ICE2: variants seen among roughly 807,000 people sequenced by gnomAD.
The protein encoded by ICE2 is interactor of little elongation complex ELL subunit 2, also known as little elongation complex subunit 2.
ICE2 carries 87 observed loss-of-function variants against 105.4 expected under a neutral mutation model. That is an observed-to-expected ratio of 0.83 (90% confidence interval 0.69 to 0.99). The LOEUF (loss-of-function observed/expected upper bound fraction) is 0.99, where lower values mean the gene tolerates loss of function less well. Ranked by LOEUF, ICE2 falls within the 50% of genes least tolerant of loss-of-function variation. The probability of loss-of-function intolerance (pLI) is 0.00; values close to 1 mark genes in which losing one functional copy is unlikely to be tolerated. For synonymous variants in ICE2, 399 were observed against 392.0 expected, an observed-to-expected ratio of 1.02 and a Z score of -0.21; for missense variants, 1,323 against 1,146.7, an observed-to-expected ratio of 1.15 and a Z score of -2.22.
At chr15:60,460,247 A>C (rs2064237531) in intron 5 of ICE2, among the ~76,000 whole-genome samples, 2 of 152,244 alleles carry the variant, frequency 1.3e-5, no homozygotes, top group African/African-American at 2.4e-5. Flanking sequence ...TAATCCCAAC[A>C]CTTTGAGAGG....
chr15:60,454,963 TC>T, intron 8 of ICE2, 39 bp downstream of exon 8: 2 of 1,503,810 alleles, frequency 1.3e-6, no homozygotes, highest in Non-Finnish European at 1.8e-6. Context: ...GTCCAACTTC[TC>T]TTTTTTGAGA....
intron 11 of ICE2, among the ~76,000 whole-genome samples, chr15:60,443,269 T>G (rs1428279450): frequency 3.3e-5 from 5 of 152,222 alleles, no homozygotes; most frequent in Non-Finnish European, 7.3e-5. Flanking sequence ...AACTCTACTC[T>G]TAACAGGAGT....
rs559015566 is a variant in ICE2 at position 60,461,733 on chromosome 15, A to G, written c.528+4861T>C. 1.8e-3 allele frequency among the ~76,000 whole-genome samples: 270 copies of G among 152,290 alleles called. 3 individuals carry two copies. Among genetic ancestry groups the G allele is most frequent in the African/African-American group, 6.1e-3 (253 of 41,556 alleles). On this transcript the variant is annotated intron_variant, in intron 5 of 15. Transcript: ENST00000261520. ...TCCTTTAAATCTATTTCCTAGTTCT[A>G]TCCACTGAATTATTCTCAAAACAAT...
chr15:60,447,709 C>T (rs1429894542), intron 11 of ICE2: 5 of 253,260 alleles, frequency 2.0e-5, no homozygotes, highest in Non-Finnish European at 3.0e-5. Flanking sequence ...AACTTTGGAG[C>T]ATTTTGAATT....
chr15:60,446,556 C>T (rs541617766), intron 11 of ICE2, among the ~76,000 whole-genome samples: 339 of 152,224 alleles, frequency 2.2e-3, no homozygotes, highest in African/African-American at 7.8e-3. Context: ...CCACCATACC[C>T]GGCTAATTTT....
chr15:60,425,981 G>C (rs2063331052), intron 15 of ICE2, among the ~76,000 whole-genome samples: 1 of 152,112 alleles, frequency 6.6e-6, no homozygotes, highest in South Asian at 2.1e-4. Flanking sequence ...CCAACTATTA[G>C]TTATCTAATT....
chr15:60,426,939 C>T (rs2063351117), intron 15 of ICE2, among the ~76,000 whole-genome samples: 2 of 152,186 alleles, frequency 1.3e-5, no homozygotes, highest in African/African-American at 4.8e-5. Context: ...GTTACTACTT[C>T]TAGTAAACTG....
At chr15:60,460,559 C>T (rs1245151437) in intron 5 of ICE2, among the ~76,000 whole-genome samples, 1 of 152,350 alleles carries the variant, frequency 6.6e-6, no homozygotes, top group African/African-American at 2.4e-5. Flanking sequence ...AAATACCCTT[C>T]TCAACCAAAC....
chr15:60,428,545 G>C lies in ICE2; in HGVS notation c.2704C>G (p.Leu902Val). Residue 902 changes from leucine to valine, a missense_variant, in exon 15 of 16, where the codon CTC (leucine) becomes GTC (valine). By Grantham distance (32) the Leu-to-Val change is conservative. Coordinates refer to ENST00000261520, the MANE Select transcript of ICE2 (RefSeq NM_024611.6). ...TCTAATGGGACCCAGGGAACTGAGA[G>C]ACTGGAAGGTACACCAGGAAGGCCG... ...HCGLPGVPSS[L>V]SVPWVPLDPS... The C allele has an allele frequency of 6.2e-7, 1 of 1,614,148 alleles. No homozygotes were observed. Among genetic ancestry groups the C allele is most frequent in the Middle Eastern group, 1.6e-4 (1 of 6,062 alleles).
intron 3 of ICE2, among the ~76,000 whole-genome samples, chr15:60,469,513 A>G (rs1008022419): frequency 6.6e-6 from 1 of 152,234 alleles, no homozygotes; most frequent in African/African-American, 2.4e-5. Context: ...CCATGAAGAC[A>G]GAGTTCTCAT....
Position 60,478,080 on chromosome 15 carries a change from A to T in ICE2, c.-92-11T>A, listed in dbSNP as rs1567019830. The T allele has an allele frequency of 9.6e-7, 1 of 1,044,858 alleles. No individual in the cohort carries two copies. The highest frequency in any genetic ancestry group is 1.5e-6 in the Non-Finnish European group (1 of 669,922). 64.7% of individuals were successfully genotyped at this position (1,044,858 alleles called of 1,614,324 possible). On this transcript the variant is annotated splice_polypyrimidine_tract_variant and intron_variant, in intron 1 of 15. Transcript: ENST00000261520. ...CCAGAACTTACTCAGCTGAGTAAAA[A>T]CAAAAGGCCAAGATCAAAAGCAAGT...
At chr15:60,469,990 C>T (rs1257656840) in intron 3 of ICE2, among the ~76,000 whole-genome samples, 1 of 152,210 alleles carries the variant, frequency 6.6e-6, no homozygotes, top group Non-Finnish European at 1.5e-5. Flanking sequence ...ACTTCCACCA[C>T]AGTTAACTGT....
At chr15:60,441,756 G>C (rs1045272488) in intron 12 of ICE2, 22 of 152,184 alleles carry the variant, frequency 1.4e-4, no homozygotes, top group African/African-American at 5.3e-4. Context: ...TCTATTATGT[G>C]AGGATGTTAA....
intron 5 of ICE2, among the ~76,000 whole-genome samples, chr15:60,458,742 A>C (rs1405262266): frequency 5.9e-5 from 9 of 151,548 alleles, no homozygotes; most frequent in African/African-American, 2.2e-4. Flanking sequence ...CGCACACACA[A>C]ACACACACAC....
chr15:60,465,244 T>G (rs2064390012), intron 5 of ICE2, among the ~76,000 whole-genome samples: 1 of 151,754 alleles, frequency 6.6e-6, no homozygotes, highest in African/African-American at 2.4e-5. Flanking sequence ...CAAGCTGGAG[T>G]GTAGCAGCAC....
intron 13 of ICE2, among the ~76,000 whole-genome samples, chr15:60,432,753 G>A (rs570267482): frequency 1.4e-4 from 21 of 151,894 alleles, no homozygotes; most frequent in Non-Finnish European, 2.4e-4. Flanking sequence ...TTAGCCAGGC[G>A]TGGTGGCGGG....
At chr15:60,424,835 T>C (rs888623170) in intron 15 of ICE2, among the ~76,000 whole-genome samples, 1 of 152,222 alleles carries the variant, frequency 6.6e-6, no homozygotes, top group African/African-American at 2.4e-5. Context: ...ACAGAATCCC[T>C]TGCTATGTAG....
chr15:60,446,118 C>T (rs2141049624), intron 11 of ICE2, among the ~76,000 whole-genome samples: 1 of 152,128 alleles, frequency 6.6e-6, no homozygotes, highest in South Asian at 2.1e-4. Flanking sequence ...GCACTAAAAC[C>T]AAACAGTTTT....
At chr15:60,434,447 G>A (rs1024743461) in intron 13 of ICE2, among the ~76,000 whole-genome samples, 7 of 151,660 alleles carry the variant, frequency 4.6e-5, no homozygotes, top group African/African-American at 1.7e-4. Flanking sequence ...ATTTAATTTG[G>A]AGATGGAGAT....
Sources: allele counts gnomAD v4.1 joint callset (sites outside exome capture counted in the v4.1 genomes callset), GRCh38; gene constraint gnomAD v4.1.1; transcripts MANE v1.5; gene names NCBI Gene and HGNC (gene_info 2026-07-23, HGNC 2026-07-21).